KIAA0825: variants seen among roughly 807,000 people sequenced by gnomAD.
The protein encoded by KIAA0825 is uncharacterized protein KIAA0825.
In KIAA0825, 119 loss-of-function variants were observed where a neutral mutation model predicts 147.6. That is an observed-to-expected ratio of 0.81 (90% confidence interval 0.69 to 0.94). KIAA0825 has a LOEUF of 0.94. Ranked by LOEUF, KIAA0825 falls within the 40% of genes least tolerant of loss-of-function variation. The pLI, the probability that KIAA0825 is intolerant of heterozygous loss-of-function variation, is 0.00. For synonymous variants in KIAA0825, 470 were observed against 518.1 expected, an observed-to-expected ratio of 0.91 and a Z score of 1.26; for missense variants, 1,381 against 1,472.7, an observed-to-expected ratio of 0.94 and a Z score of 1.02.
chr5:94,547,811 C>A (rs1266715315), intron 2 of KIAA0825, among the ~76,000 whole-genome samples: 2 of 151,018 alleles, frequency 1.3e-5, no homozygotes, highest in African/African-American at 4.9e-5. Flanking sequence ...GTATGTCTGG[C>A]AGCAGACTTT....
At chr5:94,219,085 G>A (rs1057012699) in intron 20 of KIAA0825, among the ~76,000 whole-genome samples, 1 of 152,120 alleles carries the variant, frequency 6.6e-6, no homozygotes, top group Admixed American at 6.6e-5. Context: ...TTCCACAGAT[G>A]GGGGCGGGGA....
At position 94,535,156 on chromosome 5, in the gene KIAA0825, G is replaced by A. The variant is rs75715074; in HGVS notation, c.131+1840C>T. On this transcript the variant is annotated intron_variant, in intron 3 of 20. Transcript: ENST00000682413. Reference sequence around the variant, plus strand: ...AATAAGAAGTTTAATTTTCCCTGTTGAAAATAAGGGAAAAGATTTCCCTCC... The same window carrying A: ...AATAAGAAGTTTAATTTTCCCTGTTAAAAATAAGGGAAAAGATTTCCCTCC... Among the ~76,000 whole-genome samples the A allele has an allele frequency of 4.8e-3, 727 of 152,070 alleles. 8 individuals carry two copies. Among genetic ancestry groups the A allele is most frequent in the African/African-American group, 0.016 (665 of 41,494 alleles).
At chr5:94,452,136 A>C (rs978416394) in intron 13 of KIAA0825, among the ~76,000 whole-genome samples, 2 of 152,162 alleles carry the variant, frequency 1.3e-5, no homozygotes, top group African/African-American at 4.8e-5. Flanking sequence ...GATGGGGTCT[A>C]TGTCTCATTA....
Position 94,224,383 on chromosome 5 carries a change from A to T in KIAA0825, c.3711-70259T>A, listed in dbSNP as rs559435116. Among the ~76,000 whole-genome samples the T allele has an allele frequency of 1.2e-4, 19 of 152,062 alleles. No individual in the cohort carries two copies. In the East Asian group the frequency reaches 2.9e-3, roughly 23 times the overall value. ...AGTGCTGGGATTACAGGTGTGAGCC[A>T]TTGTCCCTTGCCCATCAACTGCATT... is the stretch of plus-strand genomic sequence containing the variant. On this transcript the variant is annotated intron_variant, in intron 20 of 20. Coordinates refer to ENST00000682413, the MANE Select transcript of KIAA0825 (RefSeq NM_001145678.3).
intron 20 of KIAA0825, among the ~76,000 whole-genome samples, chr5:94,166,602 G>T (rs1373529752): frequency 1.3e-5 from 2 of 149,036 alleles, no homozygotes; most frequent in Non-Finnish European, 3.0e-5. Context: ...CCGCCTCCCG[G>T]GTTCACGCCA....
At chr5:94,302,872 A>C (rs1778494842) in intron 20 of KIAA0825, among the ~76,000 whole-genome samples, 1 of 152,098 alleles carries the variant, frequency 6.6e-6, no homozygotes, top group South Asian at 2.1e-4. Flanking sequence ...TCTTCATTTA[A>C]AGGAAATGAA....
intron 2 of KIAA0825, among the ~76,000 whole-genome samples, chr5:94,564,537 AGTGTGTGTGTGTGTGTGTGT>A (rs56256662): frequency 3.6e-4 from 12 of 32,922 alleles, no homozygotes; most frequent in Non-Finnish European, 4.3e-4. Flanking sequence ...CTTATTTTTG[AGTGTGTGTGTGTGTGTGTGT>A]GTGTGTGTGT....
At chr5:94,401,605 T>C (rs1751385120) in intron 16 of KIAA0825, among the ~76,000 whole-genome samples, 1 of 152,132 alleles carries the variant, frequency 6.6e-6, no homozygotes, top group South Asian at 2.1e-4. Context: ...CATACTGTCC[T>C]CAACACACAC....
intron 20 of KIAA0825, among the ~76,000 whole-genome samples, chr5:94,203,488 C>T (rs1771881260): frequency 6.6e-6 from 1 of 152,096 alleles, no homozygotes; most frequent in Non-Finnish European, 1.5e-5. Context: ...GAATGATCAT[C>T]TTTGTGATTG....
intron 2 of KIAA0825, among the ~76,000 whole-genome samples, chr5:94,544,970 G>A (rs936434894): frequency 6.6e-6 from 1 of 152,000 alleles, no homozygotes; most frequent in African/African-American, 2.4e-5. Context: ...ACACATTGCT[G>A]ACGTCACCCT....
At chr5:94,200,325 T>C (rs1771551261) in intron 20 of KIAA0825, among the ~76,000 whole-genome samples, 1 of 152,150 alleles carries the variant, frequency 6.6e-6, no homozygotes, top group Non-Finnish European at 1.5e-5. Context: ...CCTTAGTGCT[T>C]GGCAACCCAG....
intron 7 of KIAA0825, among the ~76,000 whole-genome samples, chr5:94,474,254 G>A (rs769537034): frequency 6.6e-6 from 1 of 152,120 alleles, no homozygotes; most frequent in Non-Finnish European, 1.5e-5. Flanking sequence ...TTGGTCTATG[G>A]CTCATAAGGC....
At chr5:94,278,020 C>T (rs895190491) in intron 20 of KIAA0825, among the ~76,000 whole-genome samples, 4 of 152,118 alleles carry the variant, frequency 2.6e-5, no homozygotes, top group Non-Finnish European at 5.9e-5. Flanking sequence ...GAACAGAAAA[C>T]CAAACACCAC....
chr5:94,411,877 A>G (rs6877158), intron 15 of KIAA0825, among the ~76,000 whole-genome samples: 8,989 of 151,894 alleles, frequency 0.059, 862 homozygotes, highest in African/African-American at 0.21. Flanking sequence ...AACCTGGGAG[A>G]TGGAGGCTGC....
At chr5:94,609,440 AC>A (rs1207097603) in intron 1 of KIAA0825, among the ~76,000 whole-genome samples, 2 of 152,168 alleles carry the variant, frequency 1.3e-5, no homozygotes, top group African/African-American at 4.8e-5. Context: ...AATTTATAAT[AC>A]AAAAAATATA....
At chr5:94,353,321 T>C (rs1259772684) in intron 20 of KIAA0825, among the ~76,000 whole-genome samples, 1 of 152,232 alleles carries the variant, frequency 6.6e-6, no homozygotes, top group Non-Finnish European at 1.5e-5. Context: ...GAGGTTTTAC[T>C]GGGTATCATA....
intron 18 of KIAA0825, among the ~76,000 whole-genome samples, chr5:94,387,735 G>A (rs1749354338): frequency 6.6e-6 from 1 of 151,698 alleles, no homozygotes; most frequent in Admixed American, 6.6e-5. Flanking sequence ...AGATCCATAG[G>A]CACAGGGAAA....
intron 5 of KIAA0825, among the ~76,000 whole-genome samples, chr5:94,490,662 TTC>T (rs1763627540): frequency 6.6e-6 from 1 of 151,990 alleles, no homozygotes. Flanking sequence ...AAAAGTCTTC[TTC>T]TCTGTCTATA....
Position 94,576,547 on chromosome 5 carries a change from G to A in KIAA0825, c.-2+5886C>T, listed in dbSNP as rs543115701. On this transcript the variant is annotated intron_variant, in intron 2 of 20. Coordinates refer to ENST00000682413, the MANE Select transcript of KIAA0825 (RefSeq NM_001145678.3). Reference sequence around the variant, plus strand: ...ATCACCTCTGGACTCTATGTACAGAGTCCCCACAAACAAGAAGCCTCTAAC... The same window carrying A: ...ATCACCTCTGGACTCTATGTACAGAATCCCCACAAACAAGAAGCCTCTAAC... 9.7e-4 allele frequency among the ~76,000 whole-genome samples: 147 copies of A among 152,304 alleles called. 1 individual carries two copies. The highest frequency in any genetic ancestry group is 3.4e-3 in the African/African-American group (142 of 41,572).
Sources: allele counts gnomAD v4.1 joint callset (sites outside exome capture counted in the v4.1 genomes callset), GRCh38; gene constraint gnomAD v4.1.1; transcripts MANE v1.5; gene names NCBI Gene and HGNC (gene_info 2026-07-23, HGNC 2026-07-21).